Variants in FHIT observed in about 807,000 individuals in gnomAD.
FHIT encodes fragile histidine triad diadenosine triphosphatase.
FHIT carries 19 observed loss-of-function variants against 17.9 expected under a neutral mutation model. The observed-to-expected ratio is 1.06, with a 90% CI of 0.74 to 1.56. The LOEUF (loss-of-function observed/expected upper bound fraction) is 1.56. Among genes scored for constraint, FHIT ranks in the 40% most tolerant of loss-of-function variants. The probability of loss-of-function intolerance (pLI) is 0.00; values close to 1 mark genes in which losing one functional copy is unlikely to be tolerated. For synonymous variants in FHIT, 81 were observed against 69.7 expected (o/e 1.16, Z -0.81); for missense variants, 248 against 189.2 (o/e 1.31, Z -1.82).
chr3:59,832,302 T>G (rs1410966534), intron 8 of FHIT, among the ~76,000 whole-genome samples: 1 of 152,118 alleles, frequency 6.6e-6, no homozygotes, highest in Non-Finnish European at 1.5e-5. Context: ...AACCATTGAG[T>G]CACAGCCTGT....
chr3:60,702,233 T>G (rs1159191800), intron 4 of FHIT, among the ~76,000 whole-genome samples: 1 of 152,220 alleles, frequency 6.6e-6, no homozygotes, highest in Non-Finnish European at 1.5e-5. Context: ...GTTTCATTTA[T>G]AAAATGTTCT....
intron 5 of FHIT, among the ~76,000 whole-genome samples, chr3:60,128,635 A>C (rs969349339): frequency 6.6e-6 from 1 of 152,246 alleles, no homozygotes; most frequent in African/African-American, 2.4e-5. Flanking sequence ...ACTGGGCCAC[A>C]TGCCCAGAAG....
At chr3:59,890,176 C>T (rs1703794790) in intron 8 of FHIT, among the ~76,000 whole-genome samples, 1 of 152,086 alleles carries the variant, frequency 6.6e-6, no homozygotes, top group African/African-American at 2.4e-5. Flanking sequence ...AAATTAACTT[C>T]TTTGAGAGGA....
chr3:60,541,043 G>A (rs2036170254), intron 4 of FHIT, among the ~76,000 whole-genome samples: 1 of 152,152 alleles, frequency 6.6e-6, no homozygotes, highest in African/African-American at 2.4e-5. Context: ...CTGTCCAGGT[G>A]TTTCAGAACC....
chr3:60,125,643 C>G (rs9856748), intron 5 of FHIT, among the ~76,000 whole-genome samples: 1 of 147,990 alleles, frequency 6.8e-6, no homozygotes, highest in African/African-American at 2.5e-5. Flanking sequence ...TGTATATATA[C>G]ATATGTGTGT....
intron 5 of FHIT, among the ~76,000 whole-genome samples, chr3:60,427,475 C>T (rs1417937618): frequency 1.3e-5 from 2 of 152,108 alleles, no homozygotes; most frequent in Non-Finnish European, 2.9e-5. Flanking sequence ...TATTCCAGCC[C>T]ATGAAAATGG....
At chr3:60,473,622 T>C (rs760379167) in intron 5 of FHIT, among the ~76,000 whole-genome samples, 5 of 152,110 alleles carry the variant, frequency 3.3e-5, no homozygotes, top group Non-Finnish European at 7.4e-5. Flanking sequence ...TACTTGCACA[T>C]GAAAACTTAA....
At chr3:60,922,123 T>A (rs984160571) in intron 3 of FHIT, among the ~76,000 whole-genome samples, 1 of 152,062 alleles carries the variant, frequency 6.6e-6, no homozygotes, top group African/African-American at 2.4e-5. Flanking sequence ...AATAAATAAA[T>A]AAGCTCACCT....
At chr3:60,706,246 G>C (rs1287923446) in intron 4 of FHIT, among the ~76,000 whole-genome samples, 4 of 123,740 alleles carry the variant, frequency 3.2e-5, no homozygotes, top group Non-Finnish European at 5.2e-5. Context: ...CCTGTTGGGG[G>C]TTTGGGGGGC....
chr3:60,783,779 G>A (rs1375324811), intron 4 of FHIT, among the ~76,000 whole-genome samples: 1 of 152,206 alleles, frequency 6.6e-6, no homozygotes, highest in Non-Finnish European at 1.5e-5. Context: ...TGATGCAGGT[G>A]TGGCTCTTTA....
intron 5 of FHIT, among the ~76,000 whole-genome samples, chr3:60,204,465 T>TTG (rs1559725477): frequency 4.6e-5 from 7 of 151,418 alleles, no homozygotes; most frequent in Non-Finnish European, 7.4e-5. Flanking sequence ...TTTGTTTTGT[T>TTG]TTTTTAGTAG....
intron 4 of FHIT, among the ~76,000 whole-genome samples, chr3:60,560,988 C>A (rs529826239): frequency 6.6e-5 from 10 of 152,126 alleles, no homozygotes; most frequent in Middle Eastern, 6.8e-3. Flanking sequence ...TCCCCATATA[C>A]ACAGCAGTGA....
intron 3 of FHIT, among the ~76,000 whole-genome samples, chr3:61,039,412 T>C (rs1446356782): frequency 6.6e-6 from 1 of 152,198 alleles, no homozygotes; most frequent in Non-Finnish European, 1.5e-5. Context: ...TTTCTGATTG[T>C]ATTTTGCTCC....
At chr3:61,109,844 C>T (rs1040832902) in intron 2 of FHIT, among the ~76,000 whole-genome samples, 4 of 152,272 alleles carry the variant, frequency 2.6e-5, no homozygotes, top group African/African-American at 9.6e-5. Flanking sequence ...AGGCCAAACA[C>T]CTTGGAGTCC....
At chr3:60,647,267 T>C (rs984695711) in intron 4 of FHIT, among the ~76,000 whole-genome samples, 12 of 152,154 alleles carry the variant, frequency 7.9e-5, no homozygotes, top group African/African-American at 2.7e-4. Flanking sequence ...CTGCAGCAGG[T>C]AATTTGTTTT....
chr3:61,106,427 AACTGT>A (rs2035989789), intron 2 of FHIT, among the ~76,000 whole-genome samples: 1 of 152,036 alleles, frequency 6.6e-6, no homozygotes, highest in African/African-American at 2.4e-5. Context: ...CTCTAATTAA[AACTGT>A]ATGTTTTACC....
chr3:60,588,635 G>A (rs960288671), intron 4 of FHIT, among the ~76,000 whole-genome samples: 3 of 151,904 alleles, frequency 2.0e-5, no homozygotes, highest in Admixed American at 6.6e-5. Context: ...CACTCCTCTC[G>A]TGACTATAAT....
intron 4 of FHIT, among the ~76,000 whole-genome samples, chr3:60,587,444 A>G (rs1342537187): frequency 6.6e-6 from 1 of 151,976 alleles, no homozygotes; most frequent in Non-Finnish European, 1.5e-5. Flanking sequence ...GGTTCAGTAA[A>G]CCACCATGGC....
intron 8 of FHIT, among the ~76,000 whole-genome samples, chr3:59,831,049 G>A (rs1391187164): frequency 6.6e-6 from 1 of 152,140 alleles, no homozygotes; most frequent in African/African-American, 2.4e-5. Flanking sequence ...GATGTTACCA[G>A]TGTGGGCTCA....
Sources: gnomAD v4.1 joint callset for allele counts (sites outside exome capture counted in the v4.1 genomes callset) on GRCh38, gnomAD v4.1.1 for gene constraint, MANE v1.5 for transcripts, NCBI Gene and HGNC (gene_info 2026-07-23, HGNC 2026-07-21) for gene names.